RCBTB2: variants seen among roughly 807,000 people sequenced by gnomAD.
RCBTB2 encodes RCC1 and BTB domain containing protein 2, also known as RCC1 and BTB domain-containing protein 2.
In RCBTB2, 55 loss-of-function variants were observed where a neutral mutation model predicts 65.4. The ratio of observed to expected loss-of-function variants is 0.84; its 90% CI spans 0.68 to 1.05. The LOEUF (loss-of-function observed/expected upper bound fraction) is 1.05, where lower values mean the gene tolerates loss of function less well. Ranked by LOEUF, RCBTB2 falls within the 50% of genes least tolerant of loss-of-function variation. The pLI is 0.00. For synonymous variants in RCBTB2, 220 were observed against 255.2 expected, an observed-to-expected ratio of 0.86 and a Z score of 1.31; for missense variants, 599 against 680.1, an observed-to-expected ratio of 0.88 and a Z score of 1.33.
At chr13:48,519,189 T>C (rs1211379193) in intron 4 of RCBTB2, among the ~76,000 whole-genome samples, 1 of 152,178 alleles carries the variant, frequency 6.6e-6, no homozygotes, top group Non-Finnish European at 1.5e-5. Flanking sequence ...TTACATAAAC[T>C]GTGATACTGC....
intron 13 of RCBTB2, among the ~76,000 whole-genome samples, chr13:48,498,531 G>C (rs1456763798): frequency 6.6e-6 from 1 of 152,160 alleles, no homozygotes; most frequent in African/African-American, 2.4e-5. Flanking sequence ...GGGAGTTCAA[G>C]ACCAGCCTGA....
rs770582036 is a variant in RCBTB2 at position 48,511,837 on chromosome 13, A to C, written c.716T>G (p.Leu239Arg). The C allele has an allele frequency of 6.2e-7, 1 of 1,614,204 alleles. No individual in the cohort carries two copies. Among genetic ancestry groups the C allele is most frequent in the Non-Finnish European group, 8.5e-7 (1 of 1,180,032 alleles). The change falls in exon 9 of 15, where the codon CTC (leucine) becomes CGC (arginine). Residue 239 changes from leucine to arginine, a missense_variant. By Grantham distance (102) the Leu-to-Arg change is moderately radical. Transcript: ENST00000344532. The part of the protein sequence containing the change: ...WGYNGNGQLG[L>R]GNSGNQPTPC... Reference sequence around the variant, plus strand: ...GGTTGGCTGGTTGCCACTGTTGCCGAGTCCAAGCTGCCCGTTTCCGTTGTA... The same window carrying C: ...GGTTGGCTGGTTGCCACTGTTGCCGCGTCCAAGCTGCCCGTTTCCGTTGTA...
Position 48,510,764 on chromosome 13 carries a change from C to T in RCBTB2, c.791G>A (p.Cys264Tyr), listed in dbSNP as rs138599279. The T allele has an allele frequency of 1.2e-6, 2 of 1,610,924 alleles. No individual in the cohort carries two copies. The highest frequency in any genetic ancestry group is 2.7e-5 in the African/African-American group (2 of 74,810). Residue 264 changes from cysteine to tyrosine, a missense_variant, in exon 10 of 15, where the codon TGT (cysteine) becomes TAT (tyrosine). By Grantham distance (194) the Cys-to-Tyr change is radical. Transcript: ENST00000344532. ...TAATACTAATGTGTGTGCGTAGCCA[C>T]AGGCGACCTGGAAGGAAAAAAATCC... ...LQGIRVQRVA[C>Y]GYAHTLVLTD... is the part of the protein sequence containing the mutation.
intron 4 of RCBTB2, among the ~76,000 whole-genome samples, chr13:48,520,105 A>C (rs1023256796): frequency 2.6e-5 from 4 of 152,180 alleles, no homozygotes; most frequent in African/African-American, 4.8e-5. Context: ...TTCTGGTCCC[A>C]AGCATTTCGG....
intron 1 of RCBTB2, among the ~76,000 whole-genome samples, chr13:48,526,103 T>G (rs1375761778): frequency 6.6e-6 from 1 of 152,196 alleles, no homozygotes; most frequent in African/African-American, 2.4e-5. Context: ...AGATTAAGGT[T>G]ACCCAATGTT....
chr13:48,512,775 A>G lies in RCBTB2; in HGVS notation c.470T>C (p.Val157Ala), dbSNP rs762351623. The change falls in exon 7 of 15, where the codon GTT becomes GCT. Residue 157 changes from valine (V) to alanine (A), a missense_variant. By Grantham distance (64) the Val-to-Ala change is moderately conservative (BLOSUM62 0). Transcript: ENST00000344532. ...CAAAGAATGGTAAGACCCACAGGCA[A>G]CTTCAATGACTTGTTTGTTTGACAG... is the stretch of plus-strand genomic sequence containing the variant. ...TNLSNKQVIEVACGSYHSLVL... is the reference protein window; with the variant it reads ...TNLSNKQVIEAACGSYHSLVL... 1 of 1,614,054 alleles carries G rather than the reference A, an allele frequency of 6.2e-7. No individual in the cohort carries two copies. The highest frequency in any genetic ancestry group is 8.5e-7 in the Non-Finnish European group (1 of 1,179,918).
rs1221625665 is a variant in RCBTB2 at position 48,515,212 on chromosome 13, T to C, written c.342A>G (p.Ala114=). ...ATGGGGTTCCTAGGTTACCTGTTGT[T>C]GCAAGGACAATATGTGGACCACTCC... is the stretch of plus-strand genomic sequence containing the variant. The part of the protein sequence containing the change: ...SYGSGPHIVL[A]TTEGEVFTWG... The change falls in exon 6 of 15, where the codon GCA becomes GCG. Residue 114 remains alanine (A), a synonymous_variant. Coordinates refer to ENST00000344532, the MANE Select transcript of RCBTB2 (RefSeq NM_001268.4). 2.5e-6 allele frequency: 4 copies of C among 1,612,540 alleles called. No homozygotes were observed. In the East Asian group the frequency reaches 6.7e-5, roughly 27 times the overall value.
At chr13:48,519,141 G>C (rs971200521) in intron 4 of RCBTB2, among the ~76,000 whole-genome samples, 3 of 152,094 alleles carry the variant, frequency 2.0e-5, no homozygotes, top group Non-Finnish European at 4.4e-5. Context: ...AAAGCCCAGA[G>C]TTCTTTCCAC....
In RCBTB2 at chr13:48,512,029, A is replaced by G; in HGVS notation, c.662T>C (p.Val221Ala). Residue 221 changes from valine (V) to alanine (A), a missense_variant, in exon 8 of 15, where the codon GTA becomes GCA. Coordinates refer to ENST00000344532, the MANE Select transcript of RCBTB2 (RefSeq NM_001268.4). ...ACGQMCCMAV[V>A]DTGEVYVWGY... Reference sequence around the variant, plus strand: ...TAACTTCCTTACCTCCCCCGTGTCTACTACTGCCATGCAGCACATCTGCCC... The same window carrying G: ...TAACTTCCTTACCTCCCCCGTGTCTGCTACTGCCATGCAGCACATCTGCCC... 1 of 1,613,974 alleles carries G rather than the reference A, an allele frequency of 6.2e-7. No homozygotes were observed. The highest frequency in any genetic ancestry group is 8.5e-7 in the Non-Finnish European group (1 of 1,179,846).
At chr13:48,496,057 A>T in intron 14 of RCBTB2, 134 bp downstream of exon 14, 1 of 757,390 alleles carries the variant, frequency 1.3e-6, no homozygotes, top group Non-Finnish European at 1.8e-6. Flanking sequence ...GTTGTCTAGT[A>T]CTCTTGTTAC....
chr13:48,507,621 AG>A (rs1270321501), intron 10 of RCBTB2, among the ~76,000 whole-genome samples: 3 of 152,212 alleles, frequency 2.0e-5, no homozygotes, highest in Non-Finnish European at 4.4e-5. Context: ...GAAAACCTTG[AG>A]GGGGGTGAAA....
rs550344850 is a variant in RCBTB2 at position 48,508,825 on chromosome 13, C to T, written c.926+1804G>A. Among the ~76,000 whole-genome samples the T allele has an allele frequency of 3.3e-5, 5 of 152,338 alleles. No individual in the cohort carries two copies. In the South Asian group the frequency reaches 1.0e-3, roughly 32 times the overall value. ...ACTCACACAGCTTCCATTCCCATTA[C>T]CTGCTTCTCTGCTACTTTTTCTTTC... On this transcript the variant is annotated intron_variant, in intron 10 of 14. Coordinates refer to ENST00000344532, the MANE Select transcript of RCBTB2 (RefSeq NM_001268.4).
rs1369481875 is a variant in RCBTB2 at position 48,533,019 on chromosome 13, C to G, written c.-219+9G>C. The G allele has an allele frequency of 2.2e-6, 1 of 455,522 alleles. No homozygotes were observed. The highest frequency in any genetic ancestry group is 2.0e-5 in the African/African-American group (1 of 49,950). 28.2% of individuals were successfully genotyped at this position (455,522 alleles called of 1,614,324 possible). ...CTCGGCCTCCCACACCACTCCTCCA[C>G]CCTCTTACCTCCTCGCAGGCCGGAG... On this transcript the variant is annotated intron_variant, in intron 1 of 14. Transcript: ENST00000344532.
intron 4 of RCBTB2, among the ~76,000 whole-genome samples, chr13:48,517,654 TAA>T: frequency 6.6e-6 from 1 of 152,332 alleles, no homozygotes; most frequent in Admixed American, 6.5e-5. Flanking sequence ...TTTTTTCTTG[TAA>T]ATAAAGCTTT....
chr13:48,516,731 C>G (rs1951111890), intron 4 of RCBTB2, among the ~76,000 whole-genome samples: 1 of 152,198 alleles, frequency 6.6e-6, no homozygotes, highest in Non-Finnish European at 1.5e-5. Flanking sequence ...AACCCCCTAA[C>G]AGCATACATT....
chr13:48,505,030 G>A (rs1433927737), intron 10 of RCBTB2, among the ~76,000 whole-genome samples: 1 of 151,806 alleles, frequency 6.6e-6, no homozygotes, highest in Non-Finnish European at 1.5e-5. Context: ...GTCAAACCTA[G>A]GTTTGTTTTT....
Position 48,496,266 on chromosome 13 carries a change from T to G in RCBTB2, c.1440A>C (p.Gln480His), listed in dbSNP as rs1949965931. 1 of 1,592,782 alleles carries G rather than the reference T, an allele frequency of 6.3e-7. No individual in the cohort carries two copies. The highest frequency in any genetic ancestry group is 8.6e-7 in the Non-Finnish European group (1 of 1,169,588). ...YRENRLKKLC[Q>H]QTIKQGICEE... ...CGCAGATGCCTTGCTTGATAGTTTG[T>G]TGGCAGAGCTTTTTCAAACGATTTT... The change falls in exon 14 of 15, where the codon CAA (glutamine) becomes CAC (histidine). Residue 480 changes from glutamine (Q) to histidine (H), a missense_variant. Physicochemically the swap from Gln to His is conservative, Grantham distance 24 (BLOSUM62 0). Coordinates refer to ENST00000344532, the MANE Select transcript of RCBTB2 (RefSeq NM_001268.4).
At chr13:48,505,251 A>T (rs1208379284) in intron 10 of RCBTB2, among the ~76,000 whole-genome samples, 1 of 152,210 alleles carries the variant, frequency 6.6e-6, no homozygotes, top group Non-Finnish European at 1.5e-5. Flanking sequence ...CCAACCAGGC[A>T]CAATGTCTGG....
At chr13:48,518,747 G>A (rs1951247296) in intron 4 of RCBTB2, among the ~76,000 whole-genome samples, 1 of 151,874 alleles carries the variant, frequency 6.6e-6, no homozygotes, top group Non-Finnish European at 1.5e-5. Context: ...TTGGTTTACT[G>A]AAAAAAGAGC....
Sources: gnomAD v4.1 joint callset for allele counts (sites outside exome capture counted in the v4.1 genomes callset) on GRCh38, gnomAD v4.1.1 for gene constraint, MANE v1.5 for transcripts, NCBI Gene and HGNC (gene_info 2026-07-23, HGNC 2026-07-21) for gene names.